The following KCNK2 variants were observed in gnomAD, a reference collection of about 807,000 sequenced individuals.
KCNK2 encodes potassium channel subfamily K member 2.
Under a neutral mutation model 40.5 loss-of-function variants are expected in KCNK2, and 21 were observed. The observed-to-expected ratio is 0.52, with a 90% confidence interval of 0.37 to 0.75. The LOEUF is 0.75. KCNK2 is among the 30% of genes least tolerant of loss of function. The pLI, the probability that KCNK2 is intolerant of heterozygous loss-of-function variation, is 0.00. For missense variants in KCNK2, 399 were observed against 531.6 expected, an observed-to-expected ratio of 0.75 and a Z score of 2.45; for synonymous variants, 191 against 202.2, an observed-to-expected ratio of 0.94 and a Z score of 0.47.
Position 215,007,121 on chromosome 1 carries a change from G to A in KCNK2, c.34+1166G>A, listed in dbSNP as rs6689156. On this transcript the variant is annotated intron_variant, in intron 1 of 6. Transcript: ENST00000391895. Reference sequence around the variant, plus strand: ...TATGTATATATATGTGTGTATATATGTATATATATGTGTATATATATGTGT... The same window carrying A: ...TATGTATATATATGTGTGTATATATATATATATATGTGTATATATATGTGT... 1.6e-4 allele frequency among the ~76,000 whole-genome samples: 15 copies of A among 96,656 alleles called. No individual in the cohort carries two copies. In the South Asian group the frequency reaches 3.0e-3, roughly 19 times the overall value. The allele number at this position is 96,656 out of a possible 152,430, so 63.4% of individuals were successfully genotyped here. A position where few individuals can be genotyped will look rare whatever the true frequency, so the allele number is the denominator to read the frequency against.
At chr1:215,155,128 A>T (rs940077300) in intron 3 of KCNK2, among the ~76,000 whole-genome samples, 1 of 152,134 alleles carries the variant, frequency 6.6e-6, no homozygotes, top group East Asian at 1.9e-4. Context: ...ATAATGTGAG[A>T]TAAAGACACA....
chr1:215,189,268 CAT>C (rs1001976914), intron 5 of KCNK2, among the ~76,000 whole-genome samples: 5 of 152,092 alleles, frequency 3.3e-5, no homozygotes, highest in Admixed American at 6.5e-5. Context: ...ATTGTAAAAA[CAT>C]GTGGAGAAAA....
chr1:215,231,830 A>T (rs1666679666), intron 6 of KCNK2, among the ~76,000 whole-genome samples: 1 of 152,182 alleles, frequency 6.6e-6, no homozygotes, highest in South Asian at 2.1e-4. Context: ...TAGAAGGCAA[A>T]GGAAGAGCAA....
At chr1:215,052,103 T>C (rs1041921154) in intron 1 of KCNK2, among the ~76,000 whole-genome samples, 1 of 152,178 alleles carries the variant, frequency 6.6e-6, no homozygotes, top group African/African-American at 2.4e-5. Context: ...GCTTACATTA[T>C]AGCAGGTGAG....
intron 3 of KCNK2, among the ~76,000 whole-genome samples, chr1:215,150,562 A>G (rs12135076): frequency 0.77 from 116,983 of 152,058 alleles, 45,306 homozygotes; most frequent in Non-Finnish European, 0.79. Context: ...GTTCTCTAAA[A>G]TTCTTGCATA....
At chr1:215,083,671 G>A in intron 1 of KCNK2, 1 of 592,280 alleles carries the variant, frequency 1.7e-6, no homozygotes, top group Non-Finnish European at 3.0e-6. Context: ...TGAGGTATGG[G>A]TTTGGAACAC....
chr1:215,151,191 T>C (rs1056094002), intron 3 of KCNK2, among the ~76,000 whole-genome samples: 3 of 152,174 alleles, frequency 2.0e-5, no homozygotes, highest in Admixed American at 6.5e-5. Flanking sequence ...ATTGCACATC[T>C]ACCTTTATCA....
rs755416969 is a variant in KCNK2 at position 215,102,289 on chromosome 1, G to A, written c.357+15611G>A. Among the ~76,000 whole-genome samples the A allele has an allele frequency of 2.8e-4, 42 of 151,802 alleles. 1 individual carries two copies. Among genetic ancestry groups the A allele is most frequent in the Admixed American group, 6.6e-5 (1 of 15,214 alleles). ...ATGGATGATCCTAAACCCTGTGTAGGCCTAGCCTAATATGTGTGTTTGTGT... is the reference window on the plus strand; with the variant it reads ...ATGGATGATCCTAAACCCTGTGTAGACCTAGCCTAATATGTGTGTTTGTGT... On this transcript the variant is annotated intron_variant, in intron 2 of 6. Coordinates refer to ENST00000444842, the MANE Select transcript of KCNK2 (RefSeq NM_001017425.3).
intron 6 of KCNK2, among the ~76,000 whole-genome samples, chr1:215,219,175 G>C (rs1666073881): frequency 6.6e-6 from 1 of 152,130 alleles, no homozygotes; most frequent in African/African-American, 2.4e-5. Flanking sequence ...CTAGACATTT[G>C]TGTCAGTCCA....
At position 215,236,041 on chromosome 1, in the gene KCNK2, A is replaced by AG. The variant is rs2102719790; in HGVS notation, c.*897dup. On this transcript the variant is annotated 3_prime_UTR_variant, in exon 7 of 7. Coordinates refer to ENST00000444842, the MANE Select transcript of KCNK2 (RefSeq NM_001017425.3). The stretch of plus-strand genomic sequence containing the variant: ...ACTATACATTTTTAAAGGCAGAAGA[A>AG]GAAAATCTATCTATCTATCTATCTA... 1 of 66,708 alleles carries AG rather than the reference A, an allele frequency of 1.5e-5. No individual in the cohort carries two copies. The highest frequency in any genetic ancestry group is 5.5e-4 in the East Asian group (1 of 1,802). 4.1% of individuals were successfully genotyped at this position (66,708 alleles called of 1,614,324 possible).
chr1:215,013,073 ATTTCT>A (rs1656464018), intron 1 of KCNK2, among the ~76,000 whole-genome samples: 1 of 152,014 alleles, frequency 6.6e-6, no homozygotes, highest in African/African-American at 2.4e-5. Flanking sequence ...TTTATGAAAA[ATTTCT>A]TTTGTGTTTT....
At chr1:215,047,597 A>G (rs1571868561) in intron 1 of KCNK2, among the ~76,000 whole-genome samples, 1 of 152,118 alleles carries the variant, frequency 6.6e-6, no homozygotes, top group Admixed American at 6.5e-5. Flanking sequence ...CTATTAAGCA[A>G]TGTAAGCAAT....
intron 2 of KCNK2, among the ~76,000 whole-genome samples, chr1:215,087,898 T>A (rs1270669681): frequency 6.6e-6 from 1 of 152,234 alleles, no homozygotes; most frequent in East Asian, 1.9e-4. Context: ...TATTCAAGTT[T>A]TATTGAAAGA....
At chr1:215,049,485 T>A (rs182875254) in intron 1 of KCNK2, among the ~76,000 whole-genome samples, 3 of 152,158 alleles carry the variant, frequency 2.0e-5, no homozygotes. Flanking sequence ...TGAACAAAAG[T>A]TGATAATTTT....
intron 2 of KCNK2, among the ~76,000 whole-genome samples, chr1:215,113,030 A>C (rs1424394151): frequency 6.6e-6 from 1 of 152,204 alleles, no homozygotes; most frequent in Non-Finnish European, 1.5e-5. Flanking sequence ...ATGTCTACTC[A>C]AAAATCAGTA....
At position 215,179,743 on chromosome 1, in the gene KCNK2, AT is replaced by A. The variant is rs1464572810; in HGVS notation, c.823+7567del. Among the ~76,000 whole-genome samples the A allele has an allele frequency of 8.6e-5, 13 of 152,024 alleles. No homozygotes were observed. In the South Asian group the frequency reaches 1.5e-3, roughly 17 times the overall value. On this transcript the variant is annotated intron_variant, in intron 5 of 6. Coordinates refer to ENST00000444842, the MANE Select transcript of KCNK2 (RefSeq NM_001017425.3). ...TGAGAGTATGGTTGGTATGCTTTTA[AT>A]TTTTTTAAATTTATTGAGATTTGCT...
intron 3 of KCNK2, among the ~76,000 whole-genome samples, chr1:215,136,265 T>C (rs1046097032): frequency 6.6e-6 from 1 of 151,746 alleles, no homozygotes; most frequent in Admixed American, 6.6e-5. Flanking sequence ...CCAGCTAATT[T>C]TTTATATTTT....
intron 1 of KCNK2, among the ~76,000 whole-genome samples, chr1:215,071,312 C>T (rs984626908): frequency 6.6e-6 from 1 of 152,164 alleles, no homozygotes; most frequent in African/African-American, 2.4e-5. Context: ...CACATTATCA[C>T]ATAGAGGGGT....
At chr1:215,039,390 G>A (rs1450476887) in intron 1 of KCNK2, among the ~76,000 whole-genome samples, 1 of 152,098 alleles carries the variant, frequency 6.6e-6, no homozygotes, top group African/African-American at 2.4e-5. Context: ...AATTTCCTTA[G>A]CACCTCCACT....
Sources: allele counts gnomAD v4.1 joint callset (sites outside exome capture counted in the v4.1 genomes callset), GRCh38; gene constraint gnomAD v4.1.1; transcripts MANE v1.5; gene names NCBI Gene and HGNC (gene_info 2026-07-23, HGNC 2026-07-21).